Variants in HECW2 observed in about 807,000 individuals in gnomAD.
The protein encoded by HECW2 is HECT, C2 and WW domain containing E3 ubiquitin protein ligase 2, also known as E3 ubiquitin-protein ligase HECW2.
HECW2 carries 61 observed loss-of-function variants against 175.2 expected under a neutral mutation model. The observed-to-expected ratio is 0.35, with a 90% CI of 0.28 to 0.43. The LOEUF is 0.43. Among genes scored for constraint, HECW2 ranks in the 20% least tolerant of loss-of-function variants. HECW2 has a pLI of 1.00. For missense variants in HECW2, 1,524 were observed against 2,000.5 expected (o/e 0.76, Z 4.54); for synonymous variants, 671 against 731.0 (o/e 0.92, Z 1.32).
chr2:196,477,683 T>TC (rs1337815168), intron 1 of HECW2, among the ~76,000 whole-genome samples: 1 of 152,138 alleles, frequency 6.6e-6, no homozygotes, highest in Non-Finnish European at 1.5e-5. Context: ...CATTCCAAGC[T>TC]CCCACTGGCA....
chr2:196,406,864 A>G lies in HECW2; in HGVS notation c.292+26268T>C, dbSNP rs73047142. 8.7e-3 allele frequency among the ~76,000 whole-genome samples: 1,329 copies of G among 152,278 alleles called. 18 individuals are homozygous for G. The highest frequency in any genetic ancestry group is 0.031 in the African/African-American group (1,269 of 41,542). On this transcript the variant is annotated intron_variant, in intron 2 of 28. Transcript: ENST00000644978. ...GCAGAAAGGTCTTTCCTGACTCCCA[A>G]TCTAAAGTCTGCCCAATCATTCCTG...
At chr2:196,262,098 T>C (rs1170115760) in intron 17 of HECW2, among the ~76,000 whole-genome samples, 1 of 152,202 alleles carries the variant, frequency 6.6e-6, no homozygotes, top group Non-Finnish European at 1.5e-5. Flanking sequence ...CAATCATAGC[T>C]CACTATAGCT....
intron 2 of HECW2, among the ~76,000 whole-genome samples, chr2:196,355,782 A>G (rs1314486396): frequency 2.0e-5 from 3 of 152,036 alleles, no homozygotes; most frequent in African/African-American, 4.8e-5. Flanking sequence ...TGGTGGGGAA[A>G]GTGGTCAGTA....
intron 1 of HECW2, among the ~76,000 whole-genome samples, chr2:196,558,041 C>G (rs1256995093): frequency 1.3e-5 from 2 of 152,126 alleles, no homozygotes; most frequent in African/African-American, 4.8e-5. Context: ...AAGGTAGATA[C>G]TAATCCTATG....
intron 2 of HECW2, among the ~76,000 whole-genome samples, chr2:196,351,418 A>G (rs963035465): frequency 1.3e-5 from 2 of 152,196 alleles, no homozygotes; most frequent in African/African-American, 2.4e-5. Flanking sequence ...ACATATCCAA[A>G]CATATTCTAG....
At chr2:196,429,139 A>T (rs74373187) in intron 2 of HECW2, among the ~76,000 whole-genome samples, 2 of 152,186 alleles carry the variant, frequency 1.3e-5, no homozygotes, top group Non-Finnish European at 2.9e-5. Context: ...GTTCCCCCAA[A>T]GGTTTCCCAT....
chr2:196,307,074 A>T (rs1208287369), intron 12 of HECW2, 56 bp downstream of exon 12: 16 of 1,242,716 alleles, frequency 1.3e-5, no homozygotes, highest in Non-Finnish European at 1.8e-5. Flanking sequence ...GGGAATCCTT[A>T]TTTGCTTCTT....
chr2:196,213,396 A>G (rs1330284342), intron 28 of HECW2, among the ~76,000 whole-genome samples: 1 of 152,186 alleles, frequency 6.6e-6, no homozygotes, highest in Non-Finnish European at 1.5e-5. Context: ...AGAGGGATGG[A>G]TCTAGGGTTT....
intron 3 of HECW2, among the ~76,000 whole-genome samples, chr2:196,339,479 C>T (rs1692669274): frequency 6.6e-6 from 1 of 152,134 alleles, no homozygotes; most frequent in Admixed American, 6.5e-5. Context: ...CAGTACATAG[C>T]AATGTAGGAT....
chr2:196,343,797 A>G (rs748378893), intron 2 of HECW2, 33 bp from the exon 3 acceptor site: 6 of 1,312,460 alleles, frequency 4.6e-6, no homozygotes, highest in Non-Finnish European at 6.6e-6. Flanking sequence ...TTTCAGATTA[A>G]TTATAACCTT....
intron 1 of HECW2, among the ~76,000 whole-genome samples, chr2:196,446,564 T>C (rs1300503841): frequency 6.6e-6 from 1 of 152,198 alleles, no homozygotes; most frequent in Non-Finnish European, 1.5e-5. Flanking sequence ...AATTAATCAA[T>C]TATTGTTTTT....
chr2:196,368,139 G>C (rs936557499), intron 2 of HECW2, among the ~76,000 whole-genome samples: 3 of 152,050 alleles, frequency 2.0e-5, no homozygotes, highest in African/African-American at 4.8e-5. Context: ...TATATACCTA[G>C]CAGTGTAATT....
chr2:196,297,234 T>C (rs1690850139), intron 13 of HECW2, among the ~76,000 whole-genome samples: 1 of 152,238 alleles, frequency 6.6e-6, no homozygotes, highest in Non-Finnish European at 1.5e-5. Flanking sequence ...TTCTTTTTAG[T>C]TATTCCTTCT....
At chr2:196,538,031 C>T (rs1394227434) in intron 1 of HECW2, among the ~76,000 whole-genome samples, 3 of 152,118 alleles carry the variant, frequency 2.0e-5, no homozygotes, top group South Asian at 4.2e-4. Flanking sequence ...ATCCAAGAAC[C>T]CTCTGTTGGT....
chr2:196,491,465 G>GTGT (rs1687190296), intron 1 of HECW2, among the ~76,000 whole-genome samples: 2 of 51,498 alleles, frequency 3.9e-5, no homozygotes, highest in African/African-American at 5.6e-5. Flanking sequence ...AGGTATATTA[G>GTGT]GTGTGTGTAT....
chr2:196,282,733 A>T (rs1054724447), intron 14 of HECW2, among the ~76,000 whole-genome samples: 3 of 152,152 alleles, frequency 2.0e-5, no homozygotes, highest in Middle Eastern at 3.2e-3. Context: ...TAGACTGTAA[A>T]TATTTCTTAT....
At chr2:196,528,097 A>C (rs1388105235) in intron 1 of HECW2, among the ~76,000 whole-genome samples, 2 of 152,220 alleles carry the variant, frequency 1.3e-5, no homozygotes, top group Admixed American at 1.3e-4. Context: ...AGGTGATAGC[A>C]ACTGTAATGG....
chr2:196,382,842 T>C (rs1274837037), intron 2 of HECW2, among the ~76,000 whole-genome samples: 1 of 152,150 alleles, frequency 6.6e-6, no homozygotes, highest in African/African-American at 2.4e-5. Context: ...TCAATACTAG[T>C]AAAAATGATA....
At chr2:196,381,648 T>C (rs1217867082) in intron 2 of HECW2, among the ~76,000 whole-genome samples, 1 of 152,012 alleles carries the variant, frequency 6.6e-6, no homozygotes, top group Non-Finnish European at 1.5e-5. Context: ...TTCCCAGAAA[T>C]CAGACCCAGC....
Sources: allele counts gnomAD v4.1 joint callset (sites outside exome capture counted in the v4.1 genomes callset), GRCh38; gene constraint gnomAD v4.1.1; transcripts MANE v1.5; gene names NCBI Gene and HGNC (gene_info 2026-07-23, HGNC 2026-07-21).